The following FAM120B variants were observed in gnomAD, a reference collection of about 807,000 sequenced individuals.
FAM120B encodes constitutive coactivator of peroxisome proliferator-activated receptor gamma.
In FAM120B, 83 loss-of-function variants were observed where a neutral mutation model predicts 96.3. That is an observed-to-expected ratio of 0.86 (90% CI 0.72 to 1.03). The LOEUF (loss-of-function observed/expected upper bound fraction) is 1.03. FAM120B is among the 50% of genes least tolerant of loss of function. The probability of loss-of-function intolerance (pLI) is 0.00; values close to 1 mark genes in which losing one functional copy is unlikely to be tolerated. For synonymous variants in FAM120B, 407 were observed against 402.7 expected, an observed-to-expected ratio of 1.01 and a Z score of -0.13; for missense variants, 1,027 against 1,121.2, an observed-to-expected ratio of 0.92 and a Z score of 1.20.
chr6:170,299,771 A>G (rs1784102148), intron 1 of FAM120B, among the ~76,000 whole-genome samples: 1 of 152,238 alleles, frequency 6.6e-6, no homozygotes, highest in African/African-American at 2.4e-5. Flanking sequence ...TCTTATAATC[A>G]GGAAAGAAGG....
chr6:170,291,070 A>G, upstream of FAM120B: 1 of 699,992 alleles, frequency 1.4e-6, no homozygotes, highest in Non-Finnish European at 2.6e-6. Flanking sequence ...GGATCGCCAA[A>G]TGGTCAGTGA....
Position 170,390,607 on chromosome 6 carries a change from G to T in FAM120B, c.2491-406G>T, listed in dbSNP as rs1790430710. ...GTTTTTTGTTTTTTGTTTTTTTTCT[G>T]ACGTTGGCATTTCTGCTGAATGTTC... On this transcript the variant is annotated intron_variant, in intron 7 of 10. Transcript: ENST00000476287. Among the ~76,000 whole-genome samples, 3 of 151,536 alleles carry T rather than the reference G, an allele frequency of 2.0e-5. No homozygotes were observed. The South Asian group carries it at 6.2e-4, about 31-fold the overall frequency.
intron 4 of FAM120B, among the ~76,000 whole-genome samples, chr6:170,342,934 G>A (rs566021615): frequency 2.6e-5 from 4 of 152,302 alleles, no homozygotes; most frequent in African/African-American, 9.6e-5. Flanking sequence ...GATGGGTGTG[G>A]ATGGAGTCCT....
chr6:170,334,622 G>A (rs1786291870), intron 4 of FAM120B, among the ~76,000 whole-genome samples: 1 of 152,106 alleles, frequency 6.6e-6, no homozygotes, highest in Non-Finnish European at 1.5e-5. Flanking sequence ...CCCTTGGTGA[G>A]GCTCTGCTCA....
intron 4 of FAM120B, among the ~76,000 whole-genome samples, chr6:170,331,168 GAAA>G (rs1786010882): frequency 6.6e-6 from 1 of 152,206 alleles, no homozygotes; most frequent in Admixed American, 6.5e-5. Flanking sequence ...CGTAGTATCT[GAAA>G]CAGGTCAGGA....
intron 4 of FAM120B, among the ~76,000 whole-genome samples, chr6:170,340,513 C>G (rs779313915): frequency 2.6e-5 from 4 of 152,224 alleles, no homozygotes; most frequent in Non-Finnish European, 5.9e-5. Context: ...AACTCATTCT[C>G]TCTGTCCAGT....
At chr6:170,353,573 G>A (rs183879189) in intron 5 of FAM120B, among the ~76,000 whole-genome samples, 16 of 151,966 alleles carry the variant, frequency 1.1e-4, no homozygotes, top group Admixed American at 4.6e-4. Context: ...GACTTTATCC[G>A]TGGGAACTAA....
intron 4 of FAM120B, among the ~76,000 whole-genome samples, chr6:170,346,279 T>A (rs1787182683): frequency 6.6e-6 from 1 of 152,092 alleles, no homozygotes; most frequent in Admixed American, 6.6e-5. Flanking sequence ...GATGGGGACA[T>A]GACCTTTCAG....
rs539299620 is a variant in FAM120B, at chr6:170,369,617, G to A, written c.2283+11299G>A. 9.7e-4 allele frequency among the ~76,000 whole-genome samples: 148 copies of A among 152,180 alleles called. 1 individual carries two copies. In the Middle Eastern group the frequency reaches 0.01, roughly 10 times the overall value. On this transcript the variant is annotated intron_variant, in intron 6 of 10. Transcript: ENST00000476287. ...TGCCAGCAGTGCTGGGGCAGGCCCC[G>A]GGGCTGAACCCGCCACTGGATGTAG...
chr6:170,377,699 C>T (rs1789629156), intron 6 of FAM120B, among the ~76,000 whole-genome samples: 1 of 134,662 alleles, frequency 7.4e-6, no homozygotes, highest in Non-Finnish European at 1.6e-5. Context: ...TCACGCTGCT[C>T]GGTGCTGTGC....
Position 170,385,369 on chromosome 6 carries a change from TA to T in FAM120B, c.2284-2910del, listed in dbSNP as rs76550142. 0.053 allele frequency among the ~76,000 whole-genome samples: 8,101 copies of T among 151,866 alleles called. 1,096 individuals are homozygous for T. The East Asian group carries it at 0.57, about 11-fold the overall frequency. On this transcript the variant is annotated intron_variant, in intron 6 of 10. Transcript: ENST00000476287. ...TTTGTAGAATTAAATGAATATACTTTAAAAAAAAGGCTGAAAATCAATGATC... is the reference window on the plus strand; with the variant it reads ...TTTGTAGAATTAAATGAATATACTTTAAAAAAAGGCTGAAAATCAATGATC...
intron 6 of FAM120B, among the ~76,000 whole-genome samples, chr6:170,382,916 A>G (rs1424129278): frequency 6.6e-6 from 1 of 152,226 alleles, no homozygotes; most frequent in Non-Finnish European, 1.5e-5. Context: ...AACTGCAGTA[A>G]TCAAGACAGT....
At chr6:170,334,306 A>C (rs1786268383) in intron 4 of FAM120B, among the ~76,000 whole-genome samples, 2 of 152,228 alleles carry the variant, frequency 1.3e-5, no homozygotes, top group South Asian at 4.1e-4. Context: ...ATTTACCAAA[A>C]TTGCAGAATA....
At chr6:170,321,665 G>A (rs921756910) in intron 2 of FAM120B, among the ~76,000 whole-genome samples, 13 of 152,260 alleles carry the variant, frequency 8.5e-5, no homozygotes, top group African/African-American at 2.9e-4. Flanking sequence ...ATGAGCCACC[G>A]TTCCTGGCCG....
At chr6:170,290,725 T>C, upstream of FAM120B, 1 of 370,976 alleles carries the variant, frequency 2.7e-6, no homozygotes, top group Non-Finnish European at 4.9e-6. This position sits in a 1 kb window ranked among gnomAD's most constrained non-coding sequence, Gnocchi z 4.7. Flanking sequence ...CGGCGGTCGT[T>C]CCGGGAGCAC....
rs758595328 is a variant in FAM120B at position 170,318,561 on chromosome 6, A to G, written c.1171A>G (p.Thr391Ala). ...CCCTGAACCCAGGCAAGAAGTTCCC[A>G]CGTGTACAGGCCCTGAATCCAGGCG... ...SDPEPRQEVPTCTGPESRREV... is the reference protein window; with the variant it reads ...SDPEPRQEVPACTGPESRREV... Residue 391 changes from threonine (T) to alanine (A), a missense_variant, in exon 2 of 11, where the codon ACG becomes GCG. This residue lies in a region of FAM120B where 880 missense variants were observed against 980.9 expected (regional missense o/e 0.90). Transcript: ENST00000476287. 2 of 1,472,616 alleles carry G rather than the reference A, an allele frequency of 1.4e-6. No homozygotes were observed. Among genetic ancestry groups the G allele is most frequent in the Non-Finnish European group, 1.8e-6 (2 of 1,092,852 alleles). The allele number at this position is 1,472,616 out of a possible 1,614,324, so 91.2% of individuals were successfully genotyped here. A position where few individuals can be genotyped will look rare whatever the true frequency, so the allele number is the denominator to read the frequency against.
In FAM120B at chr6:170,310,145, A is replaced by G. The variant is rs1316523314; in HGVS notation, c.-22+3303A>G. Among the ~76,000 whole-genome samples the G allele has an allele frequency of 2.6e-5, 4 of 152,216 alleles. 1 individual carries two copies. In the South Asian group the frequency reaches 6.2e-4, roughly 24 times the overall value. ...AGCTAATTGTTAGAACTGATTAGAAAGGTAGTCCGTAGATGATAATAAAAG... is the reference window on the plus strand; with the variant it reads ...AGCTAATTGTTAGAACTGATTAGAAGGGTAGTCCGTAGATGATAATAAAAG... On this transcript the variant is annotated intron_variant, in intron 1 of 10. Transcript: ENST00000476287.
intron 6 of FAM120B, among the ~76,000 whole-genome samples, chr6:170,385,663 C>T (rs1051702125): frequency 7.2e-5 from 11 of 152,178 alleles, no homozygotes; most frequent in African/African-American, 2.4e-4. Context: ...GCTGCAGCCA[C>T]ACCACAACCT....
chr6:170,377,817 T>C, intron 6 of FAM120B, among the ~76,000 whole-genome samples: 1 of 140,024 alleles, frequency 7.1e-6, no homozygotes, highest in East Asian at 2.1e-4. Flanking sequence ...AGGCTCACGC[T>C]GCTCGGTGCT....
Sources: allele counts gnomAD v4.1 joint callset (sites outside exome capture counted in the v4.1 genomes callset), GRCh38; gene constraint gnomAD v4.1.1; regional missense constraint gnomAD v4.1.1; non-coding constraint Gnocchi (gnomAD v3.1); transcripts MANE v1.5; gene names NCBI Gene and HGNC (gene_info 2026-07-23, HGNC 2026-07-21).